The following OSBPL6 variants were observed in gnomAD, a reference collection of about 807,000 sequenced individuals.
The protein encoded by OSBPL6 is oxysterol-binding protein-related protein 6.
Under a neutral mutation model 125.8 loss-of-function variants are expected in OSBPL6, and 49 were observed. The observed-to-expected ratio is 0.39, with a 90% CI of 0.31 to 0.49. OSBPL6 has a LOEUF of 0.49. Ranked by LOEUF, OSBPL6 falls within the 20% of genes least tolerant of loss-of-function variation. OSBPL6 has a pLI of 0.88. For missense variants in OSBPL6, 986 were observed against 1,135.4 expected, an observed-to-expected ratio of 0.87 and a Z score of 1.89; for synonymous variants, 394 against 391.8, an observed-to-expected ratio of 1.01 and a Z score of -0.07.
chr2:178,252,696 TAGGCAGA>T, intron 1 of OSBPL6, among the ~76,000 whole-genome samples: 1 of 152,164 alleles, frequency 6.6e-6, no homozygotes, highest in Non-Finnish European at 1.5e-5. Context: ...CAAATTTAGA[TAGGCAGA>T]TAGATGTAAA....
At chr2:178,209,765 C>G (rs749510401) in intron 1 of OSBPL6, among the ~76,000 whole-genome samples, 3 of 151,848 alleles carry the variant, frequency 2.0e-5, no homozygotes, top group Non-Finnish European at 4.4e-5. Context: ...ACTCTCACTA[C>G]AGTAGCAGCA....
chr2:178,268,267 A>C (rs757723207), intron 1 of OSBPL6, among the ~76,000 whole-genome samples: 1 of 152,002 alleles, frequency 6.6e-6, no homozygotes, highest in Non-Finnish European at 1.5e-5. Flanking sequence ...TTTTTAGTAG[A>C]AACGGGATTT....
chr2:178,385,645 G>A, intron 19 of OSBPL6, 124 bp downstream of exon 19: 2 of 703,322 alleles, frequency 2.8e-6, no homozygotes, highest in Non-Finnish European at 4.7e-6. Flanking sequence ...GTTAGTAATT[G>A]GTGCAGAGCT....
intron 12 of OSBPL6, among the ~76,000 whole-genome samples, chr2:178,353,017 GA>G (rs1374938410): frequency 1.3e-5 from 2 of 152,158 alleles, no homozygotes; most frequent in Admixed American, 6.5e-5. Context: ...CTGTTAGAAG[GA>G]AAACTAACAA....
chr2:178,402,362 AC>A lies in OSBPL6; in HGVS notation c.*6808del. 1 of 152,082 alleles carries A rather than the reference AC, an allele frequency of 6.6e-6. No individual in the cohort carries two copies. Among genetic ancestry groups the A allele is most frequent in the Non-Finnish European group, 1.5e-5 (1 of 68,032 alleles). 9.4% of individuals were successfully genotyped at this position (152,082 alleles called of 1,614,324 possible). On this transcript the variant is annotated 3_prime_UTR_variant, in exon 25 of 25. Transcript: ENST00000190611. ...TTACTCTTCAAAGCCAAGAATCAGT[AC>A]CCCCACCTCACCTTCCATTCTCTCT... is the stretch of plus-strand genomic sequence containing the variant.
rs79358798 is a variant in OSBPL6 at position 178,324,224 on chromosome 2, T to C, written c.150T>C (p.Ser50=). 6.6e-3 allele frequency: 10,385 copies of C among 1,584,276 alleles called. 283 individuals are homozygous for C. In the East Asian group the frequency reaches 0.087, roughly 13 times the overall value. The change falls in exon 4 of 25, where the codon TCT becomes TCC. Residue 50 remains serine, a synonymous_variant. Transcript: ENST00000190611. The part of the protein sequence containing the change: ...ERTASSSTEP[S]VSRQLLEPEP... The stretch of plus-strand genomic sequence containing the variant: ...CTGCTTCCTCTAGCACCGAGCCCTC[T>C]GTAAGTCGGCAATTGCTAGAACCGG...
At chr2:178,234,248 T>G (rs574801307) in intron 1 of OSBPL6, among the ~76,000 whole-genome samples, 4 of 152,302 alleles carry the variant, frequency 2.6e-5, no homozygotes, top group Admixed American at 6.5e-5. Context: ...TGAATCTGAA[T>G]GAATATGGAG....
At chr2:178,312,157 ATT>A (rs67156772) in intron 3 of OSBPL6, among the ~76,000 whole-genome samples, 34,282 of 101,532 alleles carry the variant, frequency 0.34, 5,281 homozygotes, top group African/African-American at 0.37. Context: ...GATTTTTGTA[ATT>A]TTTTTTTTTT....
chr2:178,315,422 G>A (rs1290530377), intron 3 of OSBPL6, among the ~76,000 whole-genome samples: 1 of 152,120 alleles, frequency 6.6e-6, no homozygotes, highest in Non-Finnish European at 1.5e-5. Context: ...GACAGTATTT[G>A]GAATGTAGTA....
At chr2:178,231,942 C>CCGTGT (rs1226587828) in intron 1 of OSBPL6, among the ~76,000 whole-genome samples, 21 of 152,274 alleles carry the variant, frequency 1.4e-4, no homozygotes, top group Admixed American at 1.1e-3. Flanking sequence ...AATTTATAAA[C>CCGTGT]TTAAACACGG....
At chr2:178,391,376 C>T (rs1360414507) in intron 22 of OSBPL6, among the ~76,000 whole-genome samples, 159 bp downstream of exon 22, 1 of 152,164 alleles carries the variant, frequency 6.6e-6, no homozygotes, top group East Asian at 1.9e-4. Context: ...TCATACTTAA[C>T]ATAGAAGTTA....
In OSBPL6 at chr2:178,395,772, TAAAAAAAAAAAAA is replaced by T. The variant is rs746653123; in HGVS notation, c.*229_*241del. The T allele has an allele frequency of 5.5e-3, 1,331 of 243,404 alleles. 25 individuals are homozygous for T. The highest frequency in any genetic ancestry group is 0.054 in the African/African-American group (1,194 of 22,016). 15.1% of individuals were successfully genotyped at this position (243,404 alleles called of 1,614,324 possible). ...TCTGTTTTGCTGCAACCATATTCCT[TAAAAAAAAAAAAA>T]AAAAAAAAAAAAAAATCCACACCGT... On this transcript the variant is annotated 3_prime_UTR_variant, in exon 25 of 25. Transcript: ENST00000190611.
chr2:178,349,903 T>G (rs1434007248), intron 12 of OSBPL6, among the ~76,000 whole-genome samples: 1 of 152,138 alleles, frequency 6.6e-6, no homozygotes, highest in Non-Finnish European at 1.5e-5. Context: ...CAAGGTAGCT[T>G]CCCTCCTGTG....
chr2:178,346,835 CA>C (rs1339356911), intron 11 of OSBPL6, among the ~76,000 whole-genome samples: 3 of 152,130 alleles, frequency 2.0e-5, no homozygotes, highest in Admixed American at 6.5e-5. Context: ...ATGAATTCCT[CA>C]ATTAAAATGG....
chr2:178,314,379 C>T (rs1339015744), intron 3 of OSBPL6, among the ~76,000 whole-genome samples: 1 of 152,116 alleles, frequency 6.6e-6, no homozygotes, highest in East Asian at 1.9e-4. Flanking sequence ...GCAGGATGAC[C>T]CTGGAACCCA....
intron 1 of OSBPL6, among the ~76,000 whole-genome samples, chr2:178,203,244 G>A (rs2089351429): frequency 6.6e-6 from 1 of 152,114 alleles, no homozygotes; most frequent in Non-Finnish European, 1.5e-5. Context: ...AGGTAAGACT[G>A]TGTTGCCCAG....
chr2:178,313,272 A>C (rs1427824296), intron 3 of OSBPL6, among the ~76,000 whole-genome samples: 1 of 152,244 alleles, frequency 6.6e-6, no homozygotes, highest in Non-Finnish European at 1.5e-5. Context: ...GATTATGCCC[A>C]AGGATCTGCA....
At chr2:178,343,541 T>C (rs1016169438) in intron 11 of OSBPL6, among the ~76,000 whole-genome samples, 1 of 152,190 alleles carries the variant, frequency 6.6e-6, no homozygotes, top group South Asian at 2.1e-4. Context: ...AGGATTCTTC[T>C]ACCGGTTTGT....
intron 2 of OSBPL6, among the ~76,000 whole-genome samples, chr2:178,302,236 A>C (rs751812708): frequency 7.2e-5 from 11 of 152,224 alleles, no homozygotes; most frequent in Non-Finnish European, 1.3e-4. Flanking sequence ...AGAATGAGAC[A>C]GAAAAATTAG....
Sources: allele counts gnomAD v4.1 joint callset (sites outside exome capture counted in the v4.1 genomes callset), GRCh38; gene constraint gnomAD v4.1.1; transcripts MANE v1.5; gene names NCBI Gene and HGNC (gene_info 2026-07-23, HGNC 2026-07-21).